The following IPO11 variants were observed in gnomAD, a reference collection of about 807,000 sequenced individuals.
IPO11 encodes importin 11, also known as importin-11.
In IPO11, 66 loss-of-function variants were observed where a neutral mutation model predicts 143.2. The observed-to-expected ratio is 0.46, with a 90% confidence interval of 0.38 to 0.57. IPO11 has a LOEUF of 0.57. IPO11 is among the 20% of genes least tolerant of loss of function. The probability of loss-of-function intolerance (pLI) is 0.00; values close to 1 mark genes in which losing one functional copy is unlikely to be tolerated. For missense variants in IPO11, 1,026 were observed against 1,141.0 expected, an observed-to-expected ratio of 0.90 and a Z score of 1.45; for synonymous variants, 385 against 377.8, an observed-to-expected ratio of 1.02 and a Z score of -0.22.
chr5:62,584,929 T>G (rs1197416836), intron 27 of IPO11, among the ~76,000 whole-genome samples: 1 of 152,130 alleles, frequency 6.6e-6, no homozygotes, highest in Non-Finnish European at 1.5e-5. Flanking sequence ...GTGCCTTGTT[T>G]CATTGCTTCT....
At chr5:62,571,552 G>C (rs1441856444) in intron 27 of IPO11, among the ~76,000 whole-genome samples, 1 of 152,184 alleles carries the variant, frequency 6.6e-6, no homozygotes, top group Admixed American at 6.5e-5. Context: ...AAGAGTTTAT[G>C]TGTGAAGAAA....
At chr5:62,435,445 A>T (rs570292591) in intron 1 of IPO11, among the ~76,000 whole-genome samples, 16 of 151,272 alleles carry the variant, frequency 1.1e-4, no homozygotes, top group African/African-American at 3.2e-4. Flanking sequence ...AAAATAAAAA[A>T]AAATTAGCTG....
At chr5:62,511,194 ATT>A (rs1488991209) in intron 19 of IPO11, among the ~76,000 whole-genome samples, 1 of 152,136 alleles carries the variant, frequency 6.6e-6, no homozygotes, top group African/African-American at 2.4e-5. Flanking sequence ...TATAGTGTAT[ATT>A]TCTTTTCTGC....
chr5:62,467,091 A>G (rs953558701), intron 5 of IPO11, 40 bp from the exon 6 acceptor site: 85 of 1,564,604 alleles, frequency 5.4e-5, no homozygotes, highest in Middle Eastern at 5.1e-4. Flanking sequence ...ACTGAAATGT[A>G]TAATACACTA....
At chr5:62,498,613 G>A (rs1561336088) in intron 16 of IPO11, among the ~76,000 whole-genome samples, 1 of 152,192 alleles carries the variant, frequency 6.6e-6, no homozygotes, top group South Asian at 2.1e-4. Flanking sequence ...TCTTGGCTGG[G>A]CACGGTGGCT....
At chr5:62,586,422 A>G (rs1392590090) in intron 27 of IPO11, among the ~76,000 whole-genome samples, 2 of 152,122 alleles carry the variant, frequency 1.3e-5, no homozygotes. Context: ...TGTGTGGCAT[A>G]CAAGACTTTT....
rs192947856 is a variant in IPO11 at position 62,444,980 on chromosome 5, G to A, written c.239+1897G>A. On this transcript the variant is annotated intron_variant, in intron 3 of 29. Coordinates refer to ENST00000325324, the MANE Select transcript of IPO11 (RefSeq NM_016338.5). ...AGTAAATTATTAAATATTTCATGTT[G>A]TACTTTTACATAATGAATTAGAACC... is the stretch of plus-strand genomic sequence containing the variant. 5.9e-4 allele frequency among the ~76,000 whole-genome samples: 89 copies of A among 151,606 alleles called. No individual in the cohort carries two copies. The Middle Eastern group carries it at 0.014, about 23-fold the overall frequency.
chr5:62,555,479 A>ATTATTTAT (rs138722983), intron 26 of IPO11, among the ~76,000 whole-genome samples: 6,753 of 137,198 alleles, frequency 0.049, 221 homozygotes, highest in African/African-American at 0.086. Flanking sequence ...CACCTGGCTA[A>ATTATTTAT]TTATTTATTT....
chr5:62,456,830 A>G (rs1210048462), intron 5 of IPO11, among the ~76,000 whole-genome samples: 1 of 152,190 alleles, frequency 6.6e-6, no homozygotes, highest in Non-Finnish European at 1.5e-5. Context: ...GCGGTGGCTC[A>G]CGCCTGTAAT....
chr5:62,444,971 T>G (rs1456093289), intron 3 of IPO11, among the ~76,000 whole-genome samples: 1 of 151,694 alleles, frequency 6.6e-6, no homozygotes, highest in Non-Finnish European at 1.5e-5. Context: ...TTATTAAATA[T>G]TTCATGTTGT....
At chr5:62,419,100 G>C in intron 1 of IPO11, 1 of 1,550,544 alleles carries the variant, frequency 6.4e-7, no homozygotes, top group Non-Finnish European at 8.7e-7. Flanking sequence ...TTACTGCACT[G>C]AATACTGTAA....
Position 62,581,179 on chromosome 5 carries a change from A to G in IPO11, c.2583-10398A>G, listed in dbSNP as rs547723716. ...TTATCAGTCAGCAAGGTATAATGTA[A>G]CTGCCTCAATTTGTAACACTTCCCC... On this transcript the variant is annotated intron_variant, in intron 27 of 29. Transcript: ENST00000325324. 327 of 1,551,168 alleles carry G rather than the reference A, an allele frequency of 2.1e-4. 1 individual carries two copies. The African/African-American group carries it at 3.9e-3, about 18-fold the overall frequency.
chr5:62,544,016 A>T (rs1394798727), intron 24 of IPO11, among the ~76,000 whole-genome samples: 1 of 152,082 alleles, frequency 6.6e-6, no homozygotes, highest in African/African-American at 2.4e-5. Flanking sequence ...GAGTTTCTTA[A>T]TCCTGAGTTC....
chr5:62,441,601 C>T (rs772983842), intron 2 of IPO11, among the ~76,000 whole-genome samples: 4 of 147,764 alleles, frequency 2.7e-5, no homozygotes, highest in Non-Finnish European at 3.0e-5. Context: ...CTGCAACCTC[C>T]GCCTCCTGGG....
rs145977825 is a variant in IPO11 at position 62,498,110 on chromosome 5, A to G, written c.1590+3986A>G. Among the ~76,000 whole-genome samples the G allele has an allele frequency of 2.6e-5, 4 of 152,218 alleles. No homozygotes were observed. The East Asian group carries it at 5.8e-4, about 22-fold the overall frequency. Reference sequence around the variant, plus strand: ...AGGAAATGCATTCTTATAGCTTTCAATACCCACAAATTTTTCATAGTTTAT... The same window carrying G: ...AGGAAATGCATTCTTATAGCTTTCAGTACCCACAAATTTTTCATAGTTTAT... On this transcript the variant is annotated intron_variant, in intron 16 of 29. Coordinates refer to ENST00000325324, the MANE Select transcript of IPO11 (RefSeq NM_016338.5).
At chr5:62,430,338 C>T (rs555418902) in intron 1 of IPO11, among the ~76,000 whole-genome samples, 103 of 152,286 alleles carry the variant, frequency 6.8e-4, no homozygotes, top group Non-Finnish European at 1.4e-3. Context: ...TCATTATCTT[C>T]TTTTAAAAAG....
intron 24 of IPO11, among the ~76,000 whole-genome samples, chr5:62,541,301 G>A (rs1365760547): frequency 1.3e-5 from 2 of 151,772 alleles, no homozygotes; most frequent in Non-Finnish European, 2.9e-5. Context: ...AACCCGGGAG[G>A]CAGAGGTTGT....
chr5:62,438,871 A>G lies in IPO11; in HGVS notation c.138+1454A>G, dbSNP rs555724130. 7.0e-4 allele frequency among the ~76,000 whole-genome samples: 107 copies of G among 151,918 alleles called. 1 individual carries two copies. In the South Asian group the frequency reaches 0.022, roughly 31 times the overall value. ...CCAGGAGATTGAGACCATCCTGACTAACACGGTGAAATCCCGTCTCTACTA... is the reference window on the plus strand; with the variant it reads ...CCAGGAGATTGAGACCATCCTGACTGACACGGTGAAATCCCGTCTCTACTA... On this transcript the variant is annotated intron_variant, in intron 2 of 29. Coordinates refer to ENST00000325324, the MANE Select transcript of IPO11 (RefSeq NM_016338.5).
chr5:62,512,468 T>C (rs1741788471), intron 19 of IPO11: 1 of 1,125,950 alleles, frequency 8.9e-7, no homozygotes, highest in Non-Finnish European at 1.4e-6. Context: ...AATAGTAAAT[T>C]TGTTTGTGCG....
Sources: gnomAD v4.1 joint callset for allele counts (sites outside exome capture counted in the v4.1 genomes callset) on GRCh38, gnomAD v4.1.1 for gene constraint, MANE v1.5 for transcripts, NCBI Gene and HGNC (gene_info 2026-07-23, HGNC 2026-07-21) for gene names.